GALNTL6: variants seen among roughly 807,000 people sequenced by gnomAD.
The protein encoded by GALNTL6 is polypeptide N-acetylgalactosaminyltransferase like 6.
A neutral mutation model predicts 73.7 loss-of-function variants in GALNTL6; 46 were observed. The observed-to-expected ratio is 0.62, with a 90% confidence interval of 0.49 to 0.80. The LOEUF (loss-of-function observed/expected upper bound fraction) is 0.80, where lower values mean the gene tolerates loss of function less well. Among genes scored for constraint, GALNTL6 ranks in the 30% least tolerant of loss-of-function variants. The pLI is 0.00. For synonymous variants in GALNTL6, 259 were observed against 263.7 expected (o/e 0.98, Z 0.17); for missense variants, 604 against 755.0 (o/e 0.80, Z 2.34).
At chr4:171,997,552 G>A (rs771273370) in intron 2 of GALNTL6, among the ~76,000 whole-genome samples, 1 of 152,048 alleles carries the variant, frequency 6.6e-6, no homozygotes, top group Non-Finnish European at 1.5e-5. Context: ...TTATAATAAA[G>A]TGTTGACTAT....
chr4:172,065,063 A>G (rs1264669124), intron 2 of GALNTL6, among the ~76,000 whole-genome samples: 1 of 152,162 alleles, frequency 6.6e-6, no homozygotes, highest in African/African-American at 2.4e-5. Flanking sequence ...GTAATTTAAA[A>G]TATCTTAGAG....
intron 3 of GALNTL6, among the ~76,000 whole-genome samples, chr4:172,244,067 C>T (rs182154386): frequency 1.3e-3 from 198 of 152,226 alleles, no homozygotes; most frequent in African/African-American, 4.5e-3. Context: ...CTAGCATGTG[C>T]TCTCAATAGA....
intron 3 of GALNTL6, among the ~76,000 whole-genome samples, chr4:172,304,675 G>GT (rs1012500157): frequency 2.0e-5 from 3 of 151,720 alleles, no homozygotes; most frequent in South Asian, 2.1e-4. Context: ...CACTAGCAGG[G>GT]TTTTTTTTCC....
intron 9 of GALNTL6, among the ~76,000 whole-genome samples, chr4:172,951,491 C>T (rs1053333355): frequency 2.0e-5 from 3 of 152,226 alleles, no homozygotes; most frequent in Non-Finnish European, 4.4e-5. Flanking sequence ...CAGTAAAGTA[C>T]TAATTTCTGA....
chr4:172,596,245 C>T (rs530337462), intron 5 of GALNTL6, among the ~76,000 whole-genome samples: 2 of 151,768 alleles, frequency 1.3e-5, no homozygotes, highest in Middle Eastern at 3.2e-3. Context: ...CACTTGAGCT[C>T]AGGAGTTTGA....
intron 4 of GALNTL6, among the ~76,000 whole-genome samples, chr4:172,321,217 G>A (rs1740746948): frequency 6.6e-6 from 1 of 152,084 alleles, no homozygotes; most frequent in Non-Finnish European, 1.5e-5. Context: ...TAGGGGTCGT[G>A]GAACATATCC....
intron 4 of GALNTL6, among the ~76,000 whole-genome samples, chr4:172,342,811 T>C (rs1741615269): frequency 1.3e-5 from 2 of 152,212 alleles, no homozygotes; most frequent in Non-Finnish European, 2.9e-5. Context: ...CTGTACAATA[T>C]GAGACTGCAC....
intron 5 of GALNTL6, among the ~76,000 whole-genome samples, chr4:172,678,776 A>G (rs1732452355): frequency 6.6e-6 from 1 of 152,184 alleles, no homozygotes; most frequent in African/African-American, 2.4e-5. Flanking sequence ...CTTACATATC[A>G]ACTGAGTTAA....
chr4:172,074,930 C>T (rs13150919), intron 2 of GALNTL6, among the ~76,000 whole-genome samples: 68,822 of 151,920 alleles, frequency 0.45, 16,181 homozygotes, highest in Non-Finnish European at 0.5. Context: ...TGTAATGGTA[C>T]TTTTGGAAAA....
chr4:172,428,532 C>A (rs536460281), intron 5 of GALNTL6, among the ~76,000 whole-genome samples: 1 of 152,136 alleles, frequency 6.6e-6, no homozygotes, highest in South Asian at 2.1e-4. Context: ...CTATGTCCCA[C>A]GGAAGGGCAA....
intron 2 of GALNTL6, among the ~76,000 whole-genome samples, chr4:172,055,349 C>T (rs543216097): frequency 1.3e-5 from 2 of 152,208 alleles, no homozygotes; most frequent in South Asian, 4.1e-4. Context: ...TAAAAACTCT[C>T]CTAATGCTTC....
At chr4:171,884,548 T>C (rs1736553771) in intron 2 of GALNTL6, among the ~76,000 whole-genome samples, 1 of 151,558 alleles carries the variant, frequency 6.6e-6, no homozygotes, top group Non-Finnish European at 1.5e-5. Context: ...TATATAACTA[T>C]ATATGTAGTT....
chr4:172,216,805 CG>C (rs1348509101), intron 2 of GALNTL6, among the ~76,000 whole-genome samples: 4 of 151,908 alleles, frequency 2.6e-5, no homozygotes, highest in Admixed American at 1.3e-4. Context: ...CCAAGGTGGT[CG>C]GGGCGCAGCT....
chr4:172,988,673 G>T (rs1032555642), intron 10 of GALNTL6, among the ~76,000 whole-genome samples: 1 of 152,234 alleles, frequency 6.6e-6, no homozygotes, highest in African/African-American at 2.4e-5. Flanking sequence ...AGGGAGGTAT[G>T]GTTTCATGGG....
chr4:171,978,866 T>C lies in GALNTL6; in HGVS notation c.138+164148T>C, dbSNP rs1049479844. The stretch of plus-strand genomic sequence containing the variant: ...TTTCTGGAATATTTTAGATAGATGA[T>C]AGATTTGATTTATATCTACATATAC... On this transcript the variant is annotated intron_variant, in intron 2 of 12. Transcript: ENST00000506823. 4.7e-5 allele frequency among the ~76,000 whole-genome samples: 7 copies of C among 148,124 alleles called. No individual in the cohort carries two copies. In the East Asian group the frequency reaches 9.9e-4, roughly 21 times the overall value.
chr4:172,434,035 C>G (rs1411059876), intron 5 of GALNTL6, among the ~76,000 whole-genome samples: 1 of 152,056 alleles, frequency 6.6e-6, no homozygotes, highest in Non-Finnish European at 1.5e-5. Flanking sequence ...ACAAGATTTT[C>G]TAGAATTCAA....
intron 5 of GALNTL6, among the ~76,000 whole-genome samples, chr4:172,539,998 T>A (rs996561627): frequency 4.0e-5 from 6 of 148,810 alleles, no homozygotes; most frequent in African/African-American, 1.2e-4. Flanking sequence ...TTAGAAACTT[T>A]AGGTGACCTG....
rs201082596 is a variant in GALNTL6 at position 172,487,299 on chromosome 4, T to TTTCCTTCTTTCC, written c.553+138610_553+138611insTTCCTTCTTTCC. Among the ~76,000 whole-genome samples the TTTCCTTCTTTCC allele has an allele frequency of 2.1e-3, 176 of 83,706 alleles. 2 individuals carry two copies. Among genetic ancestry groups the TTTCCTTCTTTCC allele is most frequent in the Admixed American group, 3.4e-3 (25 of 7,458 alleles). 54.9% of individuals were successfully genotyped at this position (83,706 alleles called of 152,430 possible). On this transcript the variant is annotated intron_variant, in intron 5 of 12. Coordinates refer to ENST00000506823, the MANE Select transcript of GALNTL6 (RefSeq NM_001034845.3). Reference sequence around the variant, plus strand: ...CTTTCTTTCTTTCCTTCTTTCCTTCTGTCTTTCTTTCTTTCTTTCTTTCTT... The same window carrying TTTCCTTCTTTCC: ...CTTTCTTTCTTTCCTTCTTTCCTTCTTTCCTTCTTTCCGTCTTTCTTTCTTTCTTTCTTTCTT...
intron 2 of GALNTL6, among the ~76,000 whole-genome samples, chr4:171,899,010 A>G (rs1245615131): frequency 6.9e-6 from 1 of 145,162 alleles, no homozygotes; most frequent in African/African-American, 2.6e-5. Flanking sequence ...GAATACATTC[A>G]GGGGCATTTT....
Sources: gnomAD v4.1 joint callset for allele counts (sites outside exome capture counted in the v4.1 genomes callset) on GRCh38, gnomAD v4.1.1 for gene constraint, MANE v1.5 for transcripts, NCBI Gene and HGNC (gene_info 2026-07-23, HGNC 2026-07-21) for gene names.